ERBB4: variants seen among roughly 807,000 people sequenced by gnomAD.
The protein encoded by ERBB4 is receptor tyrosine-protein kinase erbB-4.
ERBB4 carries 42 observed loss-of-function variants against 158.0 expected under a neutral mutation model. That is an observed-to-expected ratio of 0.27 (90% CI 0.21 to 0.34). The LOEUF is 0.34. Ranked by LOEUF, ERBB4 falls within the 10% of genes least tolerant of loss-of-function variation. The pLI is 1.00. For synonymous variants in ERBB4, 583 were observed against 558.7 expected (o/e 1.04, Z -0.61); for missense variants, 1,333 against 1,624.1 (o/e 0.82, Z 3.08).
At chr2:211,588,412 C>T (rs779686600) in intron 19 of ERBB4, among the ~76,000 whole-genome samples, 32 of 152,066 alleles carry the variant, frequency 2.1e-4, no homozygotes, top group African/African-American at 5.8e-4. Flanking sequence ...AATGAGGATA[C>T]GCTTTCAAAT....
chr2:211,762,004 C>A (rs2075428578), intron 4 of ERBB4, among the ~76,000 whole-genome samples: 1 of 151,968 alleles, frequency 6.6e-6, no homozygotes. Context: ...GTAATGATAC[C>A]TACTTCACAT....
intron 5 of ERBB4, among the ~76,000 whole-genome samples, chr2:211,728,906 A>C (rs1489823244): frequency 6.6e-6 from 1 of 151,838 alleles, no homozygotes; most frequent in Non-Finnish European, 1.5e-5. Flanking sequence ...TACAATGATA[A>C]GACAAGTAAC....
chr2:212,351,103 T>C (rs997040775), intron 1 of ERBB4, among the ~76,000 whole-genome samples: 1 of 152,140 alleles, frequency 6.6e-6, no homozygotes, highest in Non-Finnish European at 1.5e-5. Flanking sequence ...AGTATGTACT[T>C]GGAGCCTTTA....
chr2:211,401,034 T>G (rs1024850269), intron 25 of ERBB4, among the ~76,000 whole-genome samples: 1 of 152,134 alleles, frequency 6.6e-6, no homozygotes, highest in African/African-American at 2.4e-5. Flanking sequence ...GCAAGTTTCA[T>G]TTAAATGTCT....
intron 5 of ERBB4, among the ~76,000 whole-genome samples, chr2:211,729,686 T>C (rs989983829): frequency 1.3e-5 from 2 of 151,848 alleles, no homozygotes; most frequent in Non-Finnish European, 3.0e-5. Context: ...TCATATTTTA[T>C]TACAATGGGG....
At chr2:211,912,351 T>C (rs779956184) in intron 3 of ERBB4, among the ~76,000 whole-genome samples, 2 of 152,086 alleles carry the variant, frequency 1.3e-5, no homozygotes, top group Non-Finnish European at 2.9e-5. Context: ...TGAGATTTTT[T>C]TTTTACCTTC....
chr2:212,191,991 T>A (rs141486719), intron 1 of ERBB4, among the ~76,000 whole-genome samples: 21,094 of 92,868 alleles, frequency 0.23, 1,975 homozygotes, highest in Non-Finnish European at 0.25. Context: ...TGTTATATGT[T>A]ATATATGTTA....
intron 5 of ERBB4, among the ~76,000 whole-genome samples, chr2:211,745,915 GA>G (rs1392277752): frequency 2.6e-5 from 4 of 152,094 alleles, no homozygotes; most frequent in Non-Finnish European, 4.4e-5. Context: ...CTGTATCCAG[GA>G]AACAGTTGTC....
intron 1 of ERBB4, among the ~76,000 whole-genome samples, chr2:212,149,916 T>C (rs535066723): frequency 6.6e-6 from 1 of 152,146 alleles, no homozygotes; most frequent in Admixed American, 6.6e-5. Flanking sequence ...ATAAACCCCT[T>C]GAGGACAGGG....
intron 3 of ERBB4, among the ~76,000 whole-genome samples, chr2:211,933,647 A>G (rs1028739336): frequency 6.6e-6 from 1 of 152,014 alleles, no homozygotes; most frequent in African/African-American, 2.4e-5. Context: ...GAATCAAATT[A>G]TATTTTTGGA....
chr2:212,169,900 T>G (rs1258157093), intron 1 of ERBB4, among the ~76,000 whole-genome samples: 1 of 152,192 alleles, frequency 6.6e-6, no homozygotes, highest in Admixed American at 6.5e-5. Flanking sequence ...TCATCGGCCA[T>G]GTGGAGCTGT....
chr2:212,059,132 TC>T (rs2077677103), intron 2 of ERBB4, among the ~76,000 whole-genome samples: 1 of 152,078 alleles, frequency 6.6e-6, no homozygotes, highest in Admixed American at 6.6e-5. Context: ...TCACAGGCAT[TC>T]CTATACACCA....
At chr2:212,282,771 T>C (rs1047702494) in intron 1 of ERBB4, among the ~76,000 whole-genome samples, 2 of 151,876 alleles carry the variant, frequency 1.3e-5, no homozygotes, top group Non-Finnish European at 2.9e-5. Context: ...CAGGTGACTT[T>C]GGTAATTAGC....
intron 16 of ERBB4, among the ~76,000 whole-genome samples, chr2:211,638,873 T>C (rs2125889619): frequency 6.6e-6 from 1 of 152,270 alleles, no homozygotes; most frequent in South Asian, 2.1e-4. Flanking sequence ...CACATATCTA[T>C]GGGCTTTTGT....
chr2:211,757,914 AT>A (rs991844744), intron 4 of ERBB4, among the ~76,000 whole-genome samples: 1 of 152,178 alleles, frequency 6.6e-6, no homozygotes, highest in African/African-American at 2.4e-5. Flanking sequence ...TGAGAGTGCC[AT>A]TTTTCAAAAT....
At chr2:211,433,305 G>A (rs116412631) in intron 20 of ERBB4, among the ~76,000 whole-genome samples, 1,731 of 151,616 alleles carry the variant, frequency 0.011, 34 homozygotes, top group African/African-American at 0.039. Flanking sequence ...AGTGAGGCCG[G>A]GCGCGGTGGC....
At chr2:211,867,024 CAAAAA>C (rs386392490) in intron 3 of ERBB4, among the ~76,000 whole-genome samples, 1 of 60,622 alleles carries the variant, frequency 1.6e-5, no homozygotes, top group Non-Finnish European at 2.9e-5. Flanking sequence ...TCCTTAAAAC[CAAAAA>C]AAAAAAAAAA....
chr2:211,822,251 T>C (rs1163852816), intron 3 of ERBB4, among the ~76,000 whole-genome samples: 2 of 152,040 alleles, frequency 1.3e-5, no homozygotes, highest in Admixed American at 6.6e-5. Flanking sequence ...AGGATAACTA[T>C]GGTTAATAAT....
At chr2:211,497,939 C>T (rs79360842) in intron 20 of ERBB4, among the ~76,000 whole-genome samples, 58,736 of 151,552 alleles carry the variant, frequency 0.39, 11,963 homozygotes, top group African/African-American at 0.52. Flanking sequence ...TCAAGTTGTT[C>T]AGCGGCAAGA....
Sources: allele counts gnomAD v4.1 joint callset (sites outside exome capture counted in the v4.1 genomes callset), GRCh38; gene constraint gnomAD v4.1.1; transcripts MANE v1.5; gene names NCBI Gene and HGNC (gene_info 2026-07-23, HGNC 2026-07-21).